Variants in FSTL4 observed in about 807,000 individuals in gnomAD.
The protein encoded by FSTL4 is follistatin like 4, also known as follistatin-related protein 4.
A neutral mutation model predicts 78.2 loss-of-function variants in FSTL4; 28 were observed. That is an observed-to-expected ratio of 0.36 (90% CI 0.27 to 0.49). The LOEUF is 0.49. Among genes scored for constraint, FSTL4 ranks in the 20% least tolerant of loss-of-function variants. The pLI is 0.98. For synonymous variants in FSTL4, 422 were observed against 440.5 expected (o/e 0.96, Z 0.53); for missense variants, 922 against 1,084.9 (o/e 0.85, Z 2.11).
the FSTL4 span, among the ~76,000 whole-genome samples, chr5:133,697,605 C>T: frequency 1.3e-5 from 2 of 152,188 alleles, no homozygotes; most frequent in Admixed American, 6.5e-5. Flanking sequence ...TTTTAAGAGG[C>T]TGAATTTATA....
chr5:133,582,938 G>A (rs1760463889), intron 2 of FSTL4, among the ~76,000 whole-genome samples: 1 of 152,130 alleles, frequency 6.6e-6, no homozygotes, highest in Non-Finnish European at 1.5e-5. Flanking sequence ...GCGCAGGGGT[G>A]CTCATCCACC....
chr5:133,323,773 T>A (rs982805724), intron 4 of FSTL4, among the ~76,000 whole-genome samples: 1 of 152,198 alleles, frequency 6.6e-6, no homozygotes, highest in East Asian at 1.9e-4. Context: ...GATAAAATAT[T>A]GATCAGCTTG....
intron 6 of FSTL4, among the ~76,000 whole-genome samples, chr5:133,300,779 C>G (rs1753517225): frequency 6.6e-6 from 1 of 152,128 alleles, no homozygotes; most frequent in Non-Finnish European, 1.5e-5. Context: ...AGAGGAGTCT[C>G]TGGAGGTGCA....
At chr5:133,436,631 C>T (rs930884774) in intron 3 of FSTL4, among the ~76,000 whole-genome samples, 13 of 152,192 alleles carry the variant, frequency 8.5e-5, no homozygotes, top group African/African-American at 3.1e-4. Flanking sequence ...CTTCCCGACT[C>T]TGTGTTCCAT....
Position 133,198,816 on chromosome 5 carries a change from G to C in FSTL4, c.*279C>G, listed in dbSNP as rs1165491855. ...TCCCTTGGTTCCATGATGTCCCCAG[G>C]TCACTCGGTGTGCAGCTTGGCACAG... On this transcript the variant is annotated 3_prime_UTR_variant, in exon 16 of 16. Transcript: ENST00000265342. The C allele has an allele frequency of 6.6e-6, 2 of 301,626 alleles. No individual in the cohort carries two copies. The highest frequency in any genetic ancestry group is 6.1e-6 in the Non-Finnish European group (1 of 162,702). The allele number at this position is 301,626 out of a possible 1,614,324, so 18.7% of individuals were successfully genotyped here. A position where few individuals can be genotyped will look rare whatever the true frequency, so the allele number is the denominator to read the frequency against.
Position 133,398,639 on chromosome 5 carries a change from G to C in FSTL4, c.409+2099C>G, listed in dbSNP as rs78944920. On this transcript the variant is annotated intron_variant, in intron 4 of 15. Coordinates refer to ENST00000265342, the MANE Select transcript of FSTL4 (RefSeq NM_015082.2). ...AAATCCATGCCATGCACCAGGCAGCGTGCTAAGTGGTGCTTGTGCAGCCCC... is the reference window on the plus strand; with the variant it reads ...AAATCCATGCCATGCACCAGGCAGCCTGCTAAGTGGTGCTTGTGCAGCCCC... Among the ~76,000 whole-genome samples, 267 of 152,310 alleles carry C rather than the reference G, an allele frequency of 1.8e-3. 1 individual carries two copies. Among genetic ancestry groups the C allele is most frequent in the Middle Eastern group, 0.01 (3 of 294 alleles).
At chr5:133,628,087 C>T in the FSTL4 span, among the ~76,000 whole-genome samples, 1 of 152,020 alleles carries the variant, frequency 6.6e-6, no homozygotes, top group Non-Finnish European at 1.5e-5. Flanking sequence ...CACAACCTAC[C>T]AGAATCTCTG....
chr5:133,665,572 C>A, the FSTL4 span, among the ~76,000 whole-genome samples: 4 of 152,164 alleles, frequency 2.6e-5, no homozygotes, highest in African/African-American at 7.2e-5. Context: ...ATTGCCTTGA[C>A]CTGTCACCCT....
chr5:133,671,467 G>T, the FSTL4 span, among the ~76,000 whole-genome samples: 1 of 152,306 alleles, frequency 6.6e-6, no homozygotes, highest in South Asian at 2.1e-4. Context: ...GGTATATAAT[G>T]TTACAAATGC....
chr5:133,396,507 C>T (rs1272948350), intron 4 of FSTL4, among the ~76,000 whole-genome samples: 1 of 152,184 alleles, frequency 6.6e-6, no homozygotes, highest in African/African-American at 2.4e-5. Context: ...CAATGCCTGA[C>T]AGCATCACAG....
At chr5:133,739,908 T>TC in the FSTL4 span, among the ~76,000 whole-genome samples, 2 of 151,760 alleles carry the variant, frequency 1.3e-5, no homozygotes, top group African/African-American at 4.8e-5. Context: ...TTTTTTTTTT[T>TC]TTTTGACAGT....
intron 3 of FSTL4, among the ~76,000 whole-genome samples, chr5:133,428,951 T>G (rs1561713716): frequency 6.6e-6 from 1 of 152,222 alleles, no homozygotes; most frequent in Non-Finnish European, 1.5e-5. Flanking sequence ...CAGCTGTAGT[T>G]TCCAGAAATA....
chr5:133,296,135 T>C (rs1753390087), intron 6 of FSTL4, among the ~76,000 whole-genome samples: 1 of 152,198 alleles, frequency 6.6e-6, no homozygotes, highest in African/African-American at 2.4e-5. Flanking sequence ...TAATGGCAAC[T>C]CCATCCTTCC....
intron 3 of FSTL4, among the ~76,000 whole-genome samples, chr5:133,565,196 AC>A (rs1760000462): frequency 6.6e-6 from 1 of 152,170 alleles, no homozygotes; most frequent in Admixed American, 6.5e-5. Context: ...CTGGGAACCA[AC>A]CCAGGTGTTC....
In FSTL4 at chr5:133,317,291, G is replaced by C. The variant is rs116322476; in HGVS notation, c.410-639C>G. On this transcript the variant is annotated intron_variant, in intron 4 of 15. Transcript: ENST00000265342. ...CTGAACAGCATCAGAACCATGCAGT[G>C]TTTGGGGAAGTAAAGCCTGGGATGC... Among the ~76,000 whole-genome samples the C allele has an allele frequency of 3.0e-3, 452 of 152,350 alleles. 3 individuals are homozygous for C. Among genetic ancestry groups the C allele is most frequent in the African/African-American group, 0.01 (433 of 41,584 alleles).
intron 2 of FSTL4, among the ~76,000 whole-genome samples, chr5:133,572,941 T>A (rs980204769): frequency 1.3e-5 from 2 of 152,150 alleles, no homozygotes; most frequent in African/African-American, 4.8e-5. Context: ...GGCTGAATAA[T>A]CCCATTAAAA....
chr5:133,536,779 T>C (rs1759358478), intron 3 of FSTL4, among the ~76,000 whole-genome samples: 1 of 152,190 alleles, frequency 6.6e-6, no homozygotes, highest in South Asian at 2.1e-4. Context: ...ATTCCAGATC[T>C]ATCTCTTTAT....
At chr5:133,549,601 C>T (rs1458133384) in intron 3 of FSTL4, among the ~76,000 whole-genome samples, 1 of 150,820 alleles carries the variant, frequency 6.6e-6, no homozygotes, top group Non-Finnish European at 1.5e-5. Flanking sequence ...CAAATTTTAA[C>T]TGGGAGCTCA....
At chr5:133,739,412 A>G in the FSTL4 span, among the ~76,000 whole-genome samples, 1 of 151,910 alleles carries the variant, frequency 6.6e-6, no homozygotes, top group East Asian at 1.9e-4. Flanking sequence ...AAAGGAACCC[A>G]CTGCCAGCAG....
Sources: allele counts gnomAD v4.1 joint callset (sites outside exome capture counted in the v4.1 genomes callset), GRCh38; gene constraint gnomAD v4.1.1; transcripts MANE v1.5; gene names NCBI Gene and HGNC (gene_info 2026-07-23, HGNC 2026-07-21).